The following SEMA3D variants were observed in gnomAD, a reference collection of about 807,000 sequenced individuals.
SEMA3D encodes the protein semaphorin-3D.
A neutral mutation model predicts 100.1 loss-of-function variants in SEMA3D; 84 were observed. The ratio of observed to expected loss-of-function variants is 0.84; its 90% CI spans 0.70 to 1.01. The LOEUF (loss-of-function observed/expected upper bound fraction) is 1.01, where lower values mean the gene tolerates loss of function less well. Ranked by LOEUF, SEMA3D falls within the 50% of genes least tolerant of loss-of-function variation. SEMA3D has a pLI of 0.00. For synonymous variants in SEMA3D, 312 were observed against 320.7 expected, an observed-to-expected ratio of 0.97 and a Z score of 0.29; for missense variants, 875 against 934.1, an observed-to-expected ratio of 0.94 and a Z score of 0.82.
chr7:85,138,101 T>C (rs1440902823), intron 2 of SEMA3D, among the ~76,000 whole-genome samples: 1 of 152,144 alleles, frequency 6.6e-6, no homozygotes, highest in African/African-American at 2.4e-5. Flanking sequence ...AGATAGCCCA[T>C]AGAAGCTGAA....
intron 6 of SEMA3D, among the ~76,000 whole-genome samples, 200 bp from the exon 7 acceptor site, chr7:85,068,484 C>T (rs1007353486): frequency 1.3e-5 from 2 of 152,014 alleles, no homozygotes; most frequent in Non-Finnish European, 2.9e-5. Context: ...TCTCCCTTGG[C>T]CCAAAGTGGC....
chr7:85,025,495 T>C (rs1007792830), intron 12 of SEMA3D, among the ~76,000 whole-genome samples: 3 of 151,882 alleles, frequency 2.0e-5, no homozygotes, highest in Admixed American at 6.6e-5. Context: ...TGGGAAGCAA[T>C]GGATAAGAGG....
chr7:85,235,871 T>G, the SEMA3D span, among the ~76,000 whole-genome samples: 1 of 152,166 alleles, frequency 6.6e-6, no homozygotes, highest in Non-Finnish European at 1.5e-5. Flanking sequence ...TTGAAGGGAA[T>G]AGGAGAGGTG....
intron 2 of SEMA3D, chr7:85,140,740 T>C (rs1269384708): frequency 3.4e-5 from 33 of 978,710 alleles, no homozygotes; most frequent in Non-Finnish European, 3.8e-5. Flanking sequence ...CTGGTTTCCC[T>C]GGGGATTGGC....
chr7:85,060,052 A>G (rs1401909371), intron 8 of SEMA3D, among the ~76,000 whole-genome samples: 3 of 152,106 alleles, frequency 2.0e-5, no homozygotes, highest in African/African-American at 7.2e-5. Context: ...AGTGATATTT[A>G]TTTTACCTTT....
intron 2 of SEMA3D, among the ~76,000 whole-genome samples, chr7:85,149,835 G>A (rs1482763709): frequency 6.6e-6 from 1 of 152,094 alleles, no homozygotes; most frequent in Non-Finnish European, 1.5e-5. Flanking sequence ...AACTCATCAG[G>A]AATGCTGTAA....
intron 2 of SEMA3D, among the ~76,000 whole-genome samples, chr7:85,128,429 A>G (rs949712004): frequency 6.6e-6 from 1 of 152,032 alleles, no homozygotes; most frequent in Non-Finnish European, 1.5e-5. Context: ...TCAGGCTCCC[A>G]AAGTGTTGGG....
At chr7:85,205,969 A>T in the SEMA3D span, among the ~76,000 whole-genome samples, 6 of 152,012 alleles carry the variant, frequency 3.9e-5, no homozygotes, top group African/African-American at 1.4e-4. Flanking sequence ...GTATCAAAAC[A>T]GTTTCCTGCT....
chr7:85,168,102 C>T (rs923580018), intron 1 of SEMA3D, among the ~76,000 whole-genome samples: 3 of 151,818 alleles, frequency 2.0e-5, no homozygotes, highest in East Asian at 1.9e-4. Context: ...CTTTTCTTAT[C>T]ATAGTCTAAT....
chr7:85,066,913 C>CACACACACACACACACACACAGAGAG, intron 7 of SEMA3D, among the ~76,000 whole-genome samples: 12 of 127,820 alleles, frequency 9.4e-5, no homozygotes, highest in African/African-American at 3.8e-4. Flanking sequence ...CACACACACA[C>CACACACACACACACACACACAGAGAG]AGAGAGAGAG....
intron 9 of SEMA3D, among the ~76,000 whole-genome samples, chr7:85,042,600 G>A (rs1465879187): frequency 6.6e-6 from 1 of 152,164 alleles, no homozygotes; most frequent in Non-Finnish European, 1.5e-5. Flanking sequence ...TGACCTGCAA[G>A]AGACTATTTT....
upstream of SEMA3D, among the ~76,000 whole-genome samples, chr7:85,187,979 G>A (rs773058607): frequency 6.6e-6 from 1 of 152,116 alleles, no homozygotes; most frequent in Non-Finnish European, 1.5e-5. Context: ...CTGACATGAG[G>A]TAGAGACATG....
the SEMA3D span, among the ~76,000 whole-genome samples, chr7:85,239,043 G>A: frequency 4.6e-5 from 7 of 151,952 alleles, no homozygotes; most frequent in South Asian, 4.2e-4. Context: ...TTGCATTCTC[G>A]TTGCCATCAG....
At chr7:85,083,299 A>G (rs1056908625) in intron 4 of SEMA3D, among the ~76,000 whole-genome samples, 3 of 152,176 alleles carry the variant, frequency 2.0e-5, no homozygotes, top group Non-Finnish European at 4.4e-5. Flanking sequence ...CGTGTTTAAC[A>G]ACATAATTAA....
intron 3 of SEMA3D, among the ~76,000 whole-genome samples, chr7:85,119,113 T>C (rs1366540651): frequency 1.3e-5 from 2 of 151,966 alleles, no homozygotes; most frequent in Non-Finnish European, 2.9e-5. Context: ...AAGTCAAAAA[T>C]AACAGATGCT....
chr7:85,075,580 C>T (rs1315707258), intron 5 of SEMA3D, among the ~76,000 whole-genome samples: 2 of 152,078 alleles, frequency 1.3e-5, no homozygotes, highest in African/African-American at 4.8e-5. Flanking sequence ...AAATTCCTCC[C>T]TTCTGTCTGA....
At chr7:85,227,020 A>G in the SEMA3D span, among the ~76,000 whole-genome samples, 3 of 152,184 alleles carry the variant, frequency 2.0e-5, no homozygotes, top group Non-Finnish European at 4.4e-5. Context: ...GAATTGTAAA[A>G]GCAGTAATTG....
chr7:85,191,430 C>T (rs1394352355), upstream of SEMA3D, among the ~76,000 whole-genome samples: 1 of 152,154 alleles, frequency 6.6e-6, no homozygotes, highest in Admixed American at 6.5e-5. Context: ...AAAATACTTT[C>T]ATACTACCAC....
intron 1 of SEMA3D, among the ~76,000 whole-genome samples, chr7:85,154,198 A>G (rs1387417321): frequency 6.6e-6 from 1 of 151,886 alleles, no homozygotes; most frequent in East Asian, 1.9e-4. Flanking sequence ...CTGCTAAACT[A>G]AGGAATGTTC....
Sources: allele counts gnomAD v4.1 joint callset (sites outside exome capture counted in the v4.1 genomes callset), GRCh38; gene constraint gnomAD v4.1.1; transcripts MANE v1.5; gene names NCBI Gene and HGNC (gene_info 2026-07-23, HGNC 2026-07-21).